IFT88: variants seen among roughly 807,000 people sequenced by gnomAD.
The protein encoded by IFT88 is intraflagellar transport 88, also known as intraflagellar transport protein 88 homolog.
Under a neutral mutation model 119.5 loss-of-function variants are expected in IFT88, and 74 were observed. That is an observed-to-expected ratio of 0.62 (90% CI 0.51 to 0.75). The LOEUF (loss-of-function observed/expected upper bound fraction) is 0.75. Among genes scored for constraint, IFT88 ranks in the 30% least tolerant of loss-of-function variants. IFT88 has a pLI of 0.00. For missense variants in IFT88, 961 were observed against 977.7 expected (o/e 0.98, Z 0.23); for synonymous variants, 279 against 316.7 (o/e 0.88, Z 1.26).
chr13:20,611,107 T>G (rs868407698), intron 13 of IFT88, among the ~76,000 whole-genome samples: 7 of 148,720 alleles, frequency 4.7e-5, no homozygotes, highest in Non-Finnish European at 9.0e-5. Context: ...ATAATAATAA[T>G]TAATAATAAT....
intron 11 of IFT88, among the ~76,000 whole-genome samples, chr13:20,599,793 C>T (rs1594036552): frequency 6.6e-6 from 1 of 152,026 alleles, no homozygotes; most frequent in Admixed American, 6.6e-5. Context: ...AACTAAGTGA[C>T]CAATAAAGGG....
chr13:20,606,663 G>C (rs1171338228), intron 13 of IFT88, among the ~76,000 whole-genome samples: 1 of 152,202 alleles, frequency 6.6e-6, no homozygotes, highest in Non-Finnish European at 1.5e-5. Flanking sequence ...TAGATAACCT[G>C]AGGTCAAAAG....
chr13:20,667,489 G>A (rs970300891), intron 23 of IFT88, among the ~76,000 whole-genome samples: 1 of 152,186 alleles, frequency 6.6e-6, no homozygotes, highest in African/African-American at 2.4e-5. Context: ...ACAGCCCAGG[G>A]TGTTCCCCGT....
At chr13:20,639,429 A>C (rs1436525011) in intron 17 of IFT88, among the ~76,000 whole-genome samples, 3 of 152,190 alleles carry the variant, frequency 2.0e-5, no homozygotes, top group African/African-American at 7.2e-5. Flanking sequence ...CTTTCCTCCC[A>C]GAAAAGACTC....
intron 8 of IFT88, 151 bp from the exon 9 acceptor site, chr13:20,596,864 C>T: frequency 2.2e-6 from 1 of 455,340 alleles, no homozygotes; most frequent in Non-Finnish European, 4.0e-6. Flanking sequence ...AGTCCCTTTC[C>T]AAGGGAAGTT....
chr13:20,575,544 G>C (rs1401710929), intron 2 of IFT88, among the ~76,000 whole-genome samples: 1 of 152,142 alleles, frequency 6.6e-6, no homozygotes, highest in South Asian at 2.1e-4. Flanking sequence ...GATCATGAGA[G>C]TGGATTTCTC....
intron 20 of IFT88, among the ~76,000 whole-genome samples, chr13:20,648,755 A>G (rs545308221): frequency 1.5e-4 from 23 of 152,326 alleles, no homozygotes; most frequent in Admixed American, 3.3e-4. Context: ...ATCAGGGTCT[A>G]TTTATATACT....
At chr13:20,684,238 G>A (rs1210464386) in intron 24 of IFT88, among the ~76,000 whole-genome samples, 2 of 152,148 alleles carry the variant, frequency 1.3e-5, no homozygotes, top group Admixed American at 6.5e-5. Context: ...GAGAGCGGTC[G>A]CTCGAGGCAC....
At chr13:20,597,899 C>T (rs939489707) in intron 9 of IFT88, among the ~76,000 whole-genome samples, 1 of 151,606 alleles carries the variant, frequency 6.6e-6, no homozygotes, top group Non-Finnish European at 1.5e-5. Flanking sequence ...ACTTTTCGGT[C>T]AGTGATTTTC....
chr13:20,597,555 T>G (rs1366309393), intron 9 of IFT88, among the ~76,000 whole-genome samples: 1 of 151,884 alleles, frequency 6.6e-6, no homozygotes, highest in Non-Finnish European at 1.5e-5. Context: ...CCATCCTGGC[T>G]AACATGGTGA....
intron 14 of IFT88, among the ~76,000 whole-genome samples, chr13:20,619,077 C>T (rs528316839): frequency 2.6e-4 from 39 of 152,132 alleles, no homozygotes; most frequent in African/African-American, 9.2e-4. Context: ...AGGATGGTCT[C>T]GATCTCCTGA....
At chr13:20,596,866 A>G (rs2041732967) in intron 8 of IFT88, 149 bp from the exon 9 acceptor site, 1 of 459,922 alleles carries the variant, frequency 2.2e-6, no homozygotes, top group Non-Finnish European at 3.9e-6. Context: ...TCCCTTTCCA[A>G]GGGAAGTTTC....
intron 3 of IFT88, among the ~76,000 whole-genome samples, chr13:20,587,417 C>T (rs895752782): frequency 2.6e-5 from 4 of 152,102 alleles, no homozygotes; most frequent in African/African-American, 9.7e-5. Flanking sequence ...GCCACCACAC[C>T]TGGCTAATTT....
intron 24 of IFT88, among the ~76,000 whole-genome samples, chr13:20,677,407 G>A (rs1422170282): frequency 2.0e-5 from 3 of 152,180 alleles, no homozygotes; most frequent in Admixed American, 6.5e-5. Flanking sequence ...AATTATCAGA[G>A]TATTATGTCA....
At chr13:20,620,086 A>G (rs759992165) in intron 14 of IFT88, among the ~76,000 whole-genome samples, 2 of 152,116 alleles carry the variant, frequency 1.3e-5, no homozygotes, top group Non-Finnish European at 2.9e-5. Flanking sequence ...TGCATACCCC[A>G]ACTTCATGAA....
chr13:20,567,423 C>T (rs1399302751), intron 1 of IFT88, among the ~76,000 whole-genome samples, 167 bp downstream of exon 1: 1 of 152,258 alleles, frequency 6.6e-6, no homozygotes, highest in Non-Finnish European at 1.5e-5. Flanking sequence ...CGGCCTGCCC[C>T]TGCTTTTCTT....
At chr13:20,627,546 T>C (rs1475627745) in intron 15 of IFT88, among the ~76,000 whole-genome samples, 1 of 151,222 alleles carries the variant, frequency 6.6e-6, no homozygotes, top group Non-Finnish European at 1.5e-5. Flanking sequence ...GCCTAACCAA[T>C]ATGGTGAAAC....
At chr13:20,567,820 A>G (rs2035206253) in intron 1 of IFT88, 1 of 1,274,636 alleles carries the variant, frequency 7.8e-7, no homozygotes, top group South Asian at 1.9e-5. Context: ...TAAGCCTAAA[A>G]TTACACTTTT....
chr13:20,592,407 A>G lies in IFT88; in HGVS notation c.398+3A>G. On this transcript the variant is annotated splice_donor_region_variant and intron_variant, in intron 7 of 25. Coordinates refer to ENST00000351808, the MANE Select transcript of IFT88 (RefSeq NM_006531.5). ...TTGGAAGCCAAGAAAAAAGATAGGT[A>G]TGTAAGTCCTTATGTTGTTGTTTGT... The G allele has an allele frequency of 6.3e-7, 1 of 1,597,394 alleles. No individual in the cohort carries two copies. Among genetic ancestry groups the G allele is most frequent in the Non-Finnish European group, 8.5e-7 (1 of 1,169,660 alleles).
Sources: allele counts gnomAD v4.1 joint callset (sites outside exome capture counted in the v4.1 genomes callset), GRCh38; gene constraint gnomAD v4.1.1; transcripts MANE v1.5; gene names NCBI Gene and HGNC (gene_info 2026-07-23, HGNC 2026-07-21).